The following SLC30A8 variants were observed in gnomAD, a reference collection of about 807,000 sequenced individuals.
The protein encoded by SLC30A8 is solute carrier family 30 member 8.
In SLC30A8, 27 loss-of-function variants were observed where a neutral mutation model predicts 36.9. The observed-to-expected ratio is 0.73, with a 90% CI of 0.54 to 1.01. The LOEUF (loss-of-function observed/expected upper bound fraction) is 1.01. SLC30A8 is among the 50% of genes least tolerant of loss of function. The pLI is 0.00. For missense variants in SLC30A8, 439 were observed against 452.0 expected, an observed-to-expected ratio of 0.97 and a Z score of 0.26; for synonymous variants, 164 against 172.4, an observed-to-expected ratio of 0.95 and a Z score of 0.38.
At chr8:117,052,803 T>C (rs538629331) in intron 2 of SLC30A8, among the ~76,000 whole-genome samples, 1 of 152,348 alleles carries the variant, frequency 6.6e-6, no homozygotes, top group Admixed American at 6.5e-5. Flanking sequence ...TATTTCTCCT[T>C]CATATTATAG....
At chr8:117,096,200 G>A (rs761450442) in intron 2 of SLC30A8, among the ~76,000 whole-genome samples, 8 of 152,156 alleles carry the variant, frequency 5.3e-5, no homozygotes, top group Admixed American at 2.6e-4. Flanking sequence ...AGGAGAACTC[G>A]TTTTCTCTGC....
intron 2 of SLC30A8, among the ~76,000 whole-genome samples, chr8:117,067,096 A>T (rs765574339): frequency 1.3e-5 from 2 of 152,080 alleles, no homozygotes; most frequent in Non-Finnish European, 2.9e-5. Context: ...GTAAAGGGGG[A>T]AAAACCCCTT....
intron 1 of SLC30A8, among the ~76,000 whole-genome samples, chr8:116,952,787 T>C (rs1814040309): frequency 6.6e-6 from 1 of 152,178 alleles, no homozygotes; most frequent in Non-Finnish European, 1.5e-5. Context: ...CTAGATAATG[T>C]GAGTAAGCAT....
At chr8:117,153,536 C>A (rs867626719) in intron 3 of SLC30A8, among the ~76,000 whole-genome samples, 6 of 152,196 alleles carry the variant, frequency 3.9e-5, no homozygotes, top group African/African-American at 1.4e-4. Context: ...TGCTCACACA[C>A]AGCATTTAGC....
intron 2 of SLC30A8, among the ~76,000 whole-genome samples, chr8:117,079,596 A>G (rs1007662492): frequency 6.6e-6 from 1 of 152,208 alleles, no homozygotes; most frequent in Non-Finnish European, 1.5e-5. Flanking sequence ...AGGAAATAGC[A>G]TGGGCATTTG....
chr8:117,049,397 A>G (rs545606523), intron 2 of SLC30A8, among the ~76,000 whole-genome samples: 5 of 152,304 alleles, frequency 3.3e-5, no homozygotes, highest in African/African-American at 9.6e-5. Flanking sequence ...AGCACGTTCT[A>G]TTGCCTCTCC....
At chr8:117,073,258 C>CTT (rs35458253) in intron 2 of SLC30A8, among the ~76,000 whole-genome samples, 23 of 140,278 alleles carry the variant, frequency 1.6e-4, no homozygotes, top group Non-Finnish European at 2.0e-4. Context: ...ATTTCTTTCA[C>CTT]TTTTTTTTTT....
intron 2 of SLC30A8, among the ~76,000 whole-genome samples, chr8:117,121,481 T>C (rs1820691503): frequency 6.6e-6 from 1 of 151,862 alleles, no homozygotes; most frequent in Non-Finnish European, 1.5e-5. Context: ...CACTTTCTAG[T>C]TCCCAGATGG....
intron 6 of SLC30A8, among the ~76,000 whole-genome samples, chr8:117,166,633 G>T (rs1375520358): frequency 6.6e-6 from 1 of 152,118 alleles, no homozygotes; most frequent in African/African-American, 2.4e-5. Flanking sequence ...GGAACCACTG[G>T]ACTAATCTTT....
intron 1 of SLC30A8, among the ~76,000 whole-genome samples, chr8:116,996,677 C>A (rs1197725253): frequency 6.6e-6 from 1 of 151,890 alleles, no homozygotes. Flanking sequence ...ACACATTTAC[C>A]CTTGTATAGG....
upstream of SLC30A8, among the ~76,000 whole-genome samples, chr8:117,134,315 C>A (rs528226835): frequency 6.6e-6 from 1 of 152,124 alleles, no homozygotes; most frequent in African/African-American, 2.4e-5. Flanking sequence ...GTCTGCACAA[C>A]CCCCTCTTTC....
At chr8:117,088,294 G>A (rs539839157) in intron 2 of SLC30A8, among the ~76,000 whole-genome samples, 4 of 152,252 alleles carry the variant, frequency 2.6e-5, no homozygotes, top group Admixed American at 6.5e-5. Flanking sequence ...CTAAAGAAAC[G>A]TAGAAAACTG....
intron 2 of SLC30A8, among the ~76,000 whole-genome samples, chr8:117,126,545 CCCATCCATCCATCCATCCATCCAT>C (rs57441824): frequency 2.7e-5 from 4 of 149,588 alleles, no homozygotes; most frequent in Admixed American, 6.7e-5. Flanking sequence ...CATCCACCAA[CCCATCCATCCATCCATCCATCCAT>C]CCATCCATCC....
intron 1 of SLC30A8, among the ~76,000 whole-genome samples, chr8:117,007,837 A>G (rs1402554474): frequency 6.6e-6 from 1 of 152,248 alleles, no homozygotes; most frequent in African/African-American, 2.4e-5. Flanking sequence ...TCTTTTTTAA[A>G]AAAAGTCACA....
chr8:116,957,281 T>A (rs1034239478), intron 1 of SLC30A8, among the ~76,000 whole-genome samples: 1 of 152,082 alleles, frequency 6.6e-6, no homozygotes, highest in African/African-American at 2.4e-5. Context: ...TTTTTTATTT[T>A]TTATTTTTTT....
At chr8:117,164,246 C>G (rs1280314167) in intron 6 of SLC30A8, 2 of 152,112 alleles carry the variant, frequency 1.3e-5, no homozygotes, top group African/African-American at 4.8e-5. Context: ...ATAGTGAGAC[C>G]CTGTCTCTTA....
At position 117,006,690 on chromosome 8, in the gene SLC30A8, A is replaced by G. The variant is rs563147682; in HGVS notation, c.-265-32529A>G. On this transcript the variant is annotated intron_variant, in intron 1 of 10. Coordinates refer to the SLC30A8 transcript ENST00000427715. Reference sequence around the variant, plus strand: ...GTTGCAGTTTGGAATGAATATCTCTAGTGTAAGGATCCCTGAAGCTCAGAG... The same window carrying G: ...GTTGCAGTTTGGAATGAATATCTCTGGTGTAAGGATCCCTGAAGCTCAGAG... 4.0e-5 allele frequency among the ~76,000 whole-genome samples: 6 copies of G among 150,886 alleles called. No homozygotes were observed. In the South Asian group the frequency reaches 1.3e-3, roughly 32 times the overall value.
chr8:116,976,740 T>G (rs1260524859), intron 1 of SLC30A8, among the ~76,000 whole-genome samples: 1 of 152,048 alleles, frequency 6.6e-6, no homozygotes, highest in Non-Finnish European at 1.5e-5. Flanking sequence ...TTACAATGAC[T>G]ACTTAGCAGG....
chr8:117,148,254 G>A (rs1821996478), intron 2 of SLC30A8, among the ~76,000 whole-genome samples: 1 of 151,952 alleles, frequency 6.6e-6, no homozygotes, highest in South Asian at 2.1e-4. Flanking sequence ...TAAAATTAAT[G>A]TTCACATTAG....
Sources: allele counts gnomAD v4.1 joint callset (sites outside exome capture counted in the v4.1 genomes callset), GRCh38; gene constraint gnomAD v4.1.1; transcripts MANE v1.5; gene names NCBI Gene and HGNC (gene_info 2026-07-23, HGNC 2026-07-21).